The following CFAP47 variants were observed in gnomAD, a reference collection of about 807,000 sequenced individuals.
The protein encoded by CFAP47 is cilia- and flagella-associated protein 47.
A neutral mutation model predicts 148.1 loss-of-function variants in CFAP47; 29 were observed. That is an observed-to-expected ratio of 0.20 (90% CI 0.15 to 0.27). CFAP47 has a LOEUF of 0.27. CFAP47 is among the 10% of genes least tolerant of loss of function. The pLI, the probability that CFAP47 is intolerant of heterozygous loss-of-function variation, is 1.00. For missense variants in CFAP47, 1,872 were observed against 1,697.5 expected, an observed-to-expected ratio of 1.10 and a Z score of -1.81; for synonymous variants, 664 against 577.3, an observed-to-expected ratio of 1.15 and a Z score of -2.15.
intron 1 of CFAP47, among the ~76,000 whole-genome samples, chrX:35,923,481 C>T (rs890431552): frequency 9.0e-6 from 1 of 110,748 alleles, no homozygotes; most frequent in Non-Finnish European, 1.9e-5. Flanking sequence ...TTTTATTTTT[C>T]CTCCAAGTTA....
At chrX:36,153,111 A>G (rs1393970816) in intron 37 of CFAP47, among the ~76,000 whole-genome samples, 2 of 111,601 alleles carry the variant, frequency 1.8e-5, no homozygotes, top group Non-Finnish European at 3.8e-5. Flanking sequence ...GATTCAAGGT[A>G]TGATTCTTCC....
intron 51 of CFAP47, 66 bp downstream of exon 51, chrX:36,285,792 G>A (rs1307284665): frequency 5.8e-6 from 5 of 855,256 alleles, no homozygotes; most frequent in Middle Eastern, 5.5e-4. Flanking sequence ...TTGTTGTATA[G>A]TAAATTATTT....
intron 39 of CFAP47, among the ~76,000 whole-genome samples, chrX:36,175,723 TA>T (rs1186524354): frequency 8.9e-6 from 1 of 112,553 alleles, no homozygotes; most frequent in Non-Finnish European, 1.9e-5. Context: ...CAGGGACATT[TA>T]AGTCTGCAGA....
At chrX:36,256,394 G>A (rs1243149746) in intron 49 of CFAP47, among the ~76,000 whole-genome samples, 35 of 111,980 alleles carry the variant, frequency 3.1e-4, no homozygotes, top group African/African-American at 1.1e-3. Context: ...ACAACATAAA[G>A]CAACTAATTT....
intron 30 of CFAP47, among the ~76,000 whole-genome samples, chrX:36,092,772 T>A (rs1256026479): frequency 9.0e-6 from 1 of 110,809 alleles, no homozygotes. Flanking sequence ...ATGTATACTA[T>A]CATTATTTTA....
Position 35,926,142 on chromosome X carries a change from T to C in CFAP47, c.375T>C (p.Asn125=). 8.3e-7 allele frequency: 1 copy of C among 1,204,085 alleles called. No individual in the cohort carries two copies. Among genetic ancestry groups the C allele is most frequent in the South Asian group, 1.8e-5 (1 of 56,210 alleles). Residue 125 remains asparagine, a synonymous_variant, in exon 2 of 64, where the codon AAT becomes AAC. Transcript: ENST00000378653. ...ACCGGCTACTTATTTCAATAGAAAA[T>C]AAAACAACAGAAATTCCTCTAATTG... is the stretch of plus-strand genomic sequence containing the variant. ...TFDRLLISIE[N]KTTEIPLIGL...
At chrX:36,230,104 A>G (rs1338175273) in intron 46 of CFAP47, among the ~76,000 whole-genome samples, 3 of 105,895 alleles carry the variant, frequency 2.8e-5, no homozygotes, top group Admixed American at 1.0e-4. Flanking sequence ...AGCATGATTT[A>G]TAGTCCTTTG....
At chrX:36,182,389 C>T (rs1939760404) in intron 40 of CFAP47, among the ~76,000 whole-genome samples, 1 of 111,709 alleles carries the variant, frequency 9.0e-6, no homozygotes, top group South Asian at 3.7e-4. Flanking sequence ...AACCAAGTCT[C>T]CACCATGAAG....
intron 21 of CFAP47, among the ~76,000 whole-genome samples, chrX:36,002,605 C>A (rs139647147): frequency 0.017 from 1,860 of 110,998 alleles, 44 homozygotes; most frequent in African/African-American, 0.058. Context: ...AACCAACCAA[C>A]AAACAAACAA....
At chrX:35,923,929 ATG>A (rs770703434) in intron 1 of CFAP47, among the ~76,000 whole-genome samples, 1 of 63,545 alleles carries the variant, frequency 1.6e-5, no homozygotes, top group South Asian at 6.2e-4. Flanking sequence ...GTACATATAT[ATG>A]TGTATATATG....
chrX:35,989,434 A>G lies in CFAP47; in HGVS notation c.2829A>G (p.Leu943=). ...TCTTTCAAGGAAACGCGTTGAAGCT[A>G]AAATGTGTTGCACATGTAATTATTT... ...LHVFQGNALK[L]KCVAHLGRTK... is the part of the protein sequence containing the mutation. Residue 943 remains leucine, a synonymous_variant, in exon 16 of 64, where the codon CTA becomes CTG. Transcript: ENST00000378653. The G allele has an allele frequency of 8.3e-7, 1 of 1,211,126 alleles. No individual in the cohort carries two copies. Among genetic ancestry groups the G allele is most frequent in the Non-Finnish European group, 1.1e-6 (1 of 894,916 alleles).
intron 44 of CFAP47, among the ~76,000 whole-genome samples, chrX:36,201,879 A>C (rs1939984548): frequency 9.0e-6 from 1 of 111,150 alleles, no homozygotes; most frequent in African/African-American, 3.3e-5. Flanking sequence ...AAAGTTGCCC[A>C]GGATATTTTG....
intron 45 of CFAP47, among the ~76,000 whole-genome samples, chrX:36,216,572 C>T (rs1039776031): frequency 1.8e-5 from 2 of 112,131 alleles, no homozygotes; most frequent in Admixed American, 1.9e-4. Context: ...TTAATTTATG[C>T]AGAGCTGGCT....
At chrX:36,068,773 T>G (rs1193676954) in intron 27 of CFAP47, among the ~76,000 whole-genome samples, 1 of 107,545 alleles carries the variant, frequency 9.3e-6, no homozygotes, top group East Asian at 2.9e-4. Flanking sequence ...CTGGCCAACA[T>G]GGTGAAACCC....
At chrX:36,171,114 C>T (rs1454652942) in intron 39 of CFAP47, among the ~76,000 whole-genome samples, 3 of 110,323 alleles carry the variant, frequency 2.7e-5, no homozygotes, top group African/African-American at 1.0e-4. Context: ...AGTGTCCGTT[C>T]ATGTCCTTTG....
At position 36,282,820 on chromosome X, in the gene CFAP47, A is replaced by G. The variant is rs782689847; in HGVS notation, c.7588+2190A>G. Among the ~76,000 whole-genome samples, 29 of 112,030 alleles carry G rather than the reference A, an allele frequency of 2.6e-4. No individual in the cohort carries two copies. The South Asian group carries it at 0.01, about 39-fold the overall frequency. On this transcript the variant is annotated intron_variant, in intron 50 of 63. Coordinates refer to ENST00000378653, the MANE Select transcript of CFAP47 (RefSeq NM_001304548.2). The stretch of plus-strand genomic sequence containing the variant: ...TTGATAAAAACTTTTTTAAGAGAAC[A>G]TTTATAGTATATTTAAACTTTTAAT...
At chrX:36,045,152 C>A (rs999741087) in intron 25 of CFAP47, among the ~76,000 whole-genome samples, 1 of 111,671 alleles carries the variant, frequency 9.0e-6, no homozygotes, top group African/African-American at 3.3e-5. Flanking sequence ...TGTTCTAAAT[C>A]TTAGAAGACA....
chrX:36,148,471 T>C (rs977460765), intron 36 of CFAP47, among the ~76,000 whole-genome samples: 1 of 111,935 alleles, frequency 8.9e-6, no homozygotes, highest in Non-Finnish European at 1.9e-5. Flanking sequence ...TCCTAAAGAT[T>C]GTTTTTTGAA....
chrX:36,348,437 G>T, intron 58 of CFAP47, 149 bp downstream of exon 58: 1 of 229,369 alleles, frequency 4.4e-6, no homozygotes, highest in Non-Finnish European at 8.0e-6. Flanking sequence ...TTCAGAGGAG[G>T]AAAATATATT....
Sources: gnomAD v4.1 joint callset for allele counts (sites outside exome capture counted in the v4.1 genomes callset) on GRCh38, gnomAD v4.1.1 for gene constraint, MANE v1.5 for transcripts, NCBI Gene and HGNC (gene_info 2026-07-23, HGNC 2026-07-21) for gene names.